Variants in PPP6R2 observed in about 807,000 individuals in gnomAD.
PPP6R2 encodes the protein serine/threonine-protein phosphatase 6 regulatory subunit 2.
In PPP6R2, 62 loss-of-function variants were observed where a neutral mutation model predicts 100.2. The ratio of observed to expected loss-of-function variants is 0.62; its 90% CI spans 0.50 to 0.76. The LOEUF (loss-of-function observed/expected upper bound fraction) is 0.76, where lower values mean the gene tolerates loss of function less well. PPP6R2 is among the 30% of genes least tolerant of loss of function. The probability of loss-of-function intolerance (pLI) is 0.00; values close to 1 mark genes in which losing one functional copy is unlikely to be tolerated. For missense variants in PPP6R2, 1,142 were observed against 1,276.3 expected (o/e 0.89, Z 1.60); for synonymous variants, 525 against 514.7 (o/e 1.02, Z -0.27).
intron 15 of PPP6R2, 65 bp from the exon 16 acceptor site, chr22:50,437,441 T>C: frequency 8.5e-7 from 1 of 1,182,544 alleles, no homozygotes; most frequent in Non-Finnish European, 1.2e-6. Flanking sequence ...AAGAGCAGCC[T>C]CCAGGCCTGA....
intron 1 of PPP6R2, among the ~76,000 whole-genome samples, chr22:50,363,201 CT>C (rs968917831): frequency 1.3e-5 from 2 of 152,196 alleles, no homozygotes; most frequent in African/African-American, 4.8e-5. Context: ...TCTCTGCTCC[CT>C]TCCATGCCCT....
At chr22:50,372,557 AC>A (rs1435372818) in intron 2 of PPP6R2, among the ~76,000 whole-genome samples, 2 of 152,048 alleles carry the variant, frequency 1.3e-5, no homozygotes, top group African/African-American at 4.8e-5. Flanking sequence ...TCAAAACAAA[AC>A]AAAACAAAAC....
At chr22:50,346,800 G>A (rs1187518738) in intron 1 of PPP6R2, among the ~76,000 whole-genome samples, 1 of 90,534 alleles carries the variant, frequency 1.1e-5, no homozygotes, top group Non-Finnish European at 2.2e-5. Context: ...TCAGAGTCCC[G>A]CATCCCTGTC....
chr22:50,333,405 T>C, the PPP6R2 span, among the ~76,000 whole-genome samples: 86 of 151,892 alleles, frequency 5.7e-4, no homozygotes, highest in South Asian at 2.9e-3. Flanking sequence ...GGCACAATCT[T>C]GGCTCACTGC....
chr22:50,356,433 G>T (rs1008990550), intron 1 of PPP6R2, among the ~76,000 whole-genome samples: 6 of 151,242 alleles, frequency 4.0e-5, no homozygotes, highest in South Asian at 2.1e-4. Flanking sequence ...CTCCCAAGTA[G>T]CTGGGACTGC....
intron 19 of PPP6R2, 70 bp from the exon 20 acceptor site, chr22:50,439,631 C>A (rs1380817915): frequency 1.4e-6 from 2 of 1,435,500 alleles, no homozygotes; most frequent in African/African-American, 2.9e-5. Context: ...GGGGCAGGGG[C>A]GCTGCCTCCC....
chr22:50,379,740 C>T (rs767174601), intron 2 of PPP6R2, among the ~76,000 whole-genome samples: 64 of 151,878 alleles, frequency 4.2e-4, no homozygotes, highest in Admixed American at 3.3e-4. Context: ...ATTAGCTGGG[C>T]ATGGTGGCAC....
Position 50,434,999 on chromosome 22 carries a change from C to T in PPP6R2, c.1434C>T (p.Gly478=). The part of the protein sequence containing the change: ...AAGGMRRGNM[G]HLTRIANAVV... ...GTGGCATGAGACGTGGGAACATGGG[C>T]CACCTCACACGGATCGCCAACGCGG... Residue 478 remains glycine (G), a synonymous_variant, in exon 13 of 24, where the codon GGC becomes GGT. Transcript: ENST00000612753. The T allele has an allele frequency of 6.2e-7, 1 of 1,605,602 alleles. No homozygotes were observed. The highest frequency in any genetic ancestry group is 8.5e-7 in the Non-Finnish European group (1 of 1,176,782).
In PPP6R2 at chr22:50,435,023, G is replaced by T; in HGVS notation, c.1458G>T (p.Ala486=). 6.2e-7 allele frequency: 1 copy of T among 1,603,438 alleles called. No individual in the cohort carries two copies. The highest frequency in any genetic ancestry group is 8.5e-7 in the Non-Finnish European group (1 of 1,174,824). Reference sequence around the variant, plus strand: ...GCCACCTCACACGGATCGCCAACGCGGTGGTGCAGAACCTGGAGCGGGGCC... The same window carrying T: ...GCCACCTCACACGGATCGCCAACGCTGTGGTGCAGAACCTGGAGCGGGGCC... The part of the protein sequence containing the change: ...NMGHLTRIAN[A]VVQNLERGPV... Residue 486 remains alanine, a synonymous_variant, in exon 13 of 24, where the codon GCG becomes GCT. Coordinates refer to ENST00000612753, the MANE Select transcript of PPP6R2 (RefSeq NM_001242898.2).
upstream of PPP6R2, among the ~76,000 whole-genome samples, chr22:50,338,915 T>C (rs1215411679): frequency 3.3e-5 from 3 of 90,628 alleles, no homozygotes; most frequent in East Asian, 6.2e-4. Flanking sequence ...TGTGTGGTAG[T>C]GTGTGTGGTA....
rs1556408554 is a variant in PPP6R2, at chr22:50,444,247, A to AT, written c.*1dup. 1.9e-6 allele frequency: 3 copies of AT among 1,612,718 alleles called. No homozygotes were observed. The highest frequency in any genetic ancestry group is 2.5e-6 in the Non-Finnish European group (3 of 1,179,770). ...GAGCTGCCTTAAATGGCCCAGTGTG[A>AT]TGCTGCTGCCGCCCGGCCACGGCCC... On this transcript the variant is annotated 3_prime_UTR_variant, in exon 24 of 24. Transcript: ENST00000612753.
intron 1 of PPP6R2, among the ~76,000 whole-genome samples, chr22:50,358,772 A>C (rs1328072453): frequency 6.6e-6 from 1 of 152,068 alleles, no homozygotes; most frequent in Non-Finnish European, 1.5e-5. Flanking sequence ...ATTTTTCTCC[A>C]TATGGATATG....
chr22:50,342,992 C>T (rs960066405), upstream of PPP6R2, among the ~76,000 whole-genome samples: 5 of 152,208 alleles, frequency 3.3e-5, no homozygotes, highest in Admixed American at 2.6e-4. Context: ...ACCCCTGCCC[C>T]AGGTGTGTGT....
chr22:50,364,273 T>C (rs2048331400), intron 1 of PPP6R2, among the ~76,000 whole-genome samples: 1 of 152,290 alleles, frequency 6.6e-6, no homozygotes, highest in East Asian at 1.9e-4. Flanking sequence ...GAACTTGGTA[T>C]ATGAGAGAAG....
chr22:50,441,082 GCT>G, intron 22 of PPP6R2, 56 bp downstream of exon 22: 3 of 1,400,400 alleles, frequency 2.1e-6, no homozygotes, highest in Non-Finnish European at 2.9e-6. Context: ...TGGCTTCCAG[GCT>G]CTGTCCCCAG....
At chr22:50,368,863 G>A (rs867345123) in intron 1 of PPP6R2, among the ~76,000 whole-genome samples, 1 of 151,982 alleles carries the variant, frequency 6.6e-6, no homozygotes, top group Non-Finnish European at 1.5e-5. Context: ...TCTTCCTCCA[G>A]CTCACACTGA....
intron 2 of PPP6R2, among the ~76,000 whole-genome samples, chr22:50,379,467 G>A (rs1569339328): frequency 6.6e-6 from 1 of 152,170 alleles, no homozygotes; most frequent in East Asian, 1.9e-4. Context: ...CTGCACTCTA[G>A]CCTGGGTGAC....
At chr22:50,402,743 GAAT>G (rs1353500144) in intron 3 of PPP6R2, among the ~76,000 whole-genome samples, 1 of 152,190 alleles carries the variant, frequency 6.6e-6, no homozygotes, top group African/African-American at 2.4e-5. Context: ...TGTTTGACTG[GAAT>G]TTCTATACCT....
intron 1 of PPP6R2, among the ~76,000 whole-genome samples, chr22:50,368,310 T>C (rs1397394279): frequency 6.6e-6 from 1 of 152,060 alleles, no homozygotes; most frequent in African/African-American, 2.4e-5. Context: ...CAGACTCCCT[T>C]TCCCAGTCTG....
Sources: allele counts gnomAD v4.1 joint callset (sites outside exome capture counted in the v4.1 genomes callset), GRCh38; gene constraint gnomAD v4.1.1; transcripts MANE v1.5; gene names NCBI Gene and HGNC (gene_info 2026-07-23, HGNC 2026-07-21).